The following ATXN1 variants were observed in gnomAD, a reference collection of about 807,000 sequenced individuals.
The protein encoded by ATXN1 is ataxin-1.
ATXN1 carries 8 observed loss-of-function variants against 56.4 expected under a neutral mutation model. The ratio of observed to expected loss-of-function variants is 0.14; its 90% CI spans 0.08 to 0.26. ATXN1 has a LOEUF of 0.26. ATXN1 is among the 10% of genes least tolerant of loss of function. The probability of loss-of-function intolerance (pLI) is 1.00; values close to 1 mark genes in which losing one functional copy is unlikely to be tolerated. For missense variants in ATXN1, 987 were observed against 1,106.5 expected (o/e 0.89, Z 1.53); for synonymous variants, 514 against 494.6 (o/e 1.04, Z -0.52).
chr6:16,638,398 A>C (rs1008735993), intron 3 of ATXN1, among the ~76,000 whole-genome samples: 18 of 150,900 alleles, frequency 1.2e-4, no homozygotes, highest in African/African-American at 4.2e-4. Context: ...GTGAGCCAAG[A>C]TCACAACACT....
chr6:16,564,943 G>T (rs1762189641), intron 4 of ATXN1, among the ~76,000 whole-genome samples: 1 of 152,118 alleles, frequency 6.6e-6, no homozygotes. Context: ...TTGATAGGTA[G>T]AATACTGTAC....
At chr6:16,602,882 T>G (rs1396371758) in intron 3 of ATXN1, among the ~76,000 whole-genome samples, 1 of 152,184 alleles carries the variant, frequency 6.6e-6, no homozygotes, top group East Asian at 1.9e-4. Flanking sequence ...CATGTTCCAC[T>G]GTGACCATGG....
At position 16,508,162 on chromosome 6, in the gene ATXN1, A is replaced by G. The variant is rs116346644; in HGVS notation, c.-299+14465T>C. Among the ~76,000 whole-genome samples, 572 of 152,310 alleles carry G rather than the reference A, an allele frequency of 3.8e-3. 3 individuals are homozygous for G. The highest frequency in any genetic ancestry group is 0.013 in the African/African-American group (544 of 41,544). The stretch of plus-strand genomic sequence containing the variant: ...GGATGAAATTTCTGGTAATAGCATC[A>G]AACACAGAGTAGATGAACGTCAAGA... On this transcript the variant is annotated intron_variant, in intron 5 of 7. Coordinates refer to ENST00000436367, the MANE Select transcript of ATXN1 (RefSeq NM_001128164.2).
intron 6 of ATXN1, among the ~76,000 whole-genome samples, chr6:16,364,836 G>A (rs544201832): frequency 6.6e-6 from 1 of 152,324 alleles, no homozygotes; most frequent in Admixed American, 6.5e-5. Context: ...GCACATCATG[G>A]TGGTGGGATA....
intron 3 of ATXN1, among the ~76,000 whole-genome samples, chr6:16,656,854 G>T (rs541600509): frequency 1.3e-5 from 2 of 152,206 alleles, no homozygotes; most frequent in South Asian, 4.1e-4. Flanking sequence ...ATTGCTCCTA[G>T]GCTACAAACC....
intron 2 of ATXN1, among the ~76,000 whole-genome samples, chr6:16,675,290 A>G (rs1758637881): frequency 1.3e-5 from 2 of 152,264 alleles, no homozygotes; most frequent in Admixed American, 1.3e-4. Context: ...CCGTGCTAAG[A>G]CTTCATCATT....
intron 6 of ATXN1, among the ~76,000 whole-genome samples, chr6:16,452,584 T>TA (rs1238412066): frequency 4.6e-5 from 7 of 152,142 alleles, no homozygotes; most frequent in Non-Finnish European, 1.0e-4. Flanking sequence ...AATGAAAGGG[T>TA]AAAAAAAGCA....
intron 4 of ATXN1, among the ~76,000 whole-genome samples, chr6:16,569,375 A>G (rs1334061524): frequency 6.6e-6 from 1 of 151,996 alleles, no homozygotes; most frequent in Non-Finnish European, 1.5e-5. Context: ...AAAATAAAAA[A>G]TTTAGCTGGG....
chr6:16,649,048 G>A (rs1483623340), intron 3 of ATXN1, among the ~76,000 whole-genome samples: 10 of 151,968 alleles, frequency 6.6e-5, no homozygotes, highest in South Asian at 2.1e-4. Flanking sequence ...TGTGAGCAGC[G>A]TGCCTCACAC....
At chr6:16,529,045 G>A (rs572676391) in intron 4 of ATXN1, among the ~76,000 whole-genome samples, 30 of 152,090 alleles carry the variant, frequency 2.0e-4, no homozygotes, top group African/African-American at 3.4e-4. Flanking sequence ...TGGGCATGGC[G>A]GTGTGTGCCT....
At chr6:16,371,615 G>A (rs541820776) in intron 6 of ATXN1, among the ~76,000 whole-genome samples, 1 of 152,274 alleles carries the variant, frequency 6.6e-6, no homozygotes, top group African/African-American at 2.4e-5. Context: ...GTGCAGTGGT[G>A]CAATCATAGC....
chr6:16,676,243 T>G (rs1758658232), intron 2 of ATXN1, among the ~76,000 whole-genome samples: 1 of 152,200 alleles, frequency 6.6e-6, no homozygotes, highest in Non-Finnish European at 1.5e-5. Context: ...ACATGGCTAG[T>G]CAAGAAGAGC....
chr6:16,718,568 C>T (rs1759683313), intron 2 of ATXN1, among the ~76,000 whole-genome samples: 1 of 152,198 alleles, frequency 6.6e-6, no homozygotes, highest in African/African-American at 2.4e-5. Context: ...ATTTGCAAAG[C>T]GTTTCGCTGG....
intron 4 of ATXN1, among the ~76,000 whole-genome samples, chr6:16,548,591 T>C (rs1250505320): frequency 1.3e-5 from 2 of 152,210 alleles, no homozygotes; most frequent in African/African-American, 4.8e-5. Context: ...TAAACATTTT[T>C]CTATTTTCAT....
chr6:16,628,601 C>A (rs1275871367), intron 3 of ATXN1, among the ~76,000 whole-genome samples: 2 of 152,122 alleles, frequency 1.3e-5, no homozygotes, highest in African/African-American at 4.8e-5. Flanking sequence ...GTTTTTTCTG[C>A]TCCTCTTCCT....
intron 3 of ATXN1, among the ~76,000 whole-genome samples, chr6:16,626,796 C>G (rs917836991): frequency 6.6e-6 from 1 of 152,140 alleles, no homozygotes; most frequent in Non-Finnish European, 1.5e-5. Flanking sequence ...GGGCCCTATT[C>G]CACTATGACT....
chr6:16,514,843 C>T (rs973375913), intron 5 of ATXN1, among the ~76,000 whole-genome samples: 8 of 151,792 alleles, frequency 5.3e-5, no homozygotes, highest in African/African-American at 1.9e-4. Flanking sequence ...ATTAGCCAGG[C>T]GTGGTGGTGG....
At chr6:16,539,530 T>C (rs938122325) in intron 4 of ATXN1, among the ~76,000 whole-genome samples, 5 of 152,088 alleles carry the variant, frequency 3.3e-5, no homozygotes, top group Admixed American at 2.6e-4. Context: ...AGCCCCAATA[T>C]CTCACCCAGA....
Position 16,438,729 on chromosome 6 carries a change from A to G in ATXN1, c.-161+47243T>C, listed in dbSNP as rs565304838. Among the ~76,000 whole-genome samples, 33 of 152,336 alleles carry G rather than the reference A, an allele frequency of 2.2e-4. 1 individual carries two copies. Among genetic ancestry groups the G allele is most frequent in the South Asian group, 2.1e-4 (1 of 4,826 alleles). The stretch of plus-strand genomic sequence containing the variant: ...ATCCAGCCAGGAGGATCTCAGAATA[A>G]TATTTATGAGATAGACTGAAATTTA... On this transcript the variant is annotated intron_variant, in intron 6 of 7. Coordinates refer to ENST00000436367, the MANE Select transcript of ATXN1 (RefSeq NM_001128164.2).
Sources: allele counts gnomAD v4.1 joint callset (sites outside exome capture counted in the v4.1 genomes callset), GRCh38; gene constraint gnomAD v4.1.1; transcripts MANE v1.5; gene names NCBI Gene and HGNC (gene_info 2026-07-23, HGNC 2026-07-21).